Variants in ATF6 observed in about 807,000 individuals in gnomAD.
ATF6 encodes the protein cyclic AMP-dependent transcription factor ATF-6 alpha.
ATF6 carries 53 observed loss-of-function variants against 83.6 expected under a neutral mutation model. That is an observed-to-expected ratio of 0.63 (90% CI 0.51 to 0.80). ATF6 has a LOEUF of 0.80. ATF6 is among the 30% of genes least tolerant of loss of function. The probability of loss-of-function intolerance (pLI) is 0.00; values close to 1 mark genes in which losing one functional copy is unlikely to be tolerated. For synonymous variants in ATF6, 288 were observed against 285.8 expected, an observed-to-expected ratio of 1.01 and a Z score of -0.08; for missense variants, 744 against 797.9, an observed-to-expected ratio of 0.93 and a Z score of 0.81.
intron 15 of ATF6, among the ~76,000 whole-genome samples, chr1:161,953,130 G>C (rs1476883925): frequency 2.0e-5 from 3 of 152,104 alleles, no homozygotes; most frequent in Non-Finnish European, 4.4e-5. Flanking sequence ...TTATTCAGTA[G>C]CTTCGTTCCT....
intron 4 of ATF6, among the ~76,000 whole-genome samples, chr1:161,786,542 T>A (rs1684751805): frequency 6.6e-6 from 1 of 152,226 alleles, no homozygotes; most frequent in Non-Finnish European, 1.5e-5. Flanking sequence ...TGAGAGGTTA[T>A]AAAATAATTC....
chr1:161,772,110 A>G (rs1318452339), intron 1 of ATF6, among the ~76,000 whole-genome samples: 1 of 152,126 alleles, frequency 6.6e-6, no homozygotes, highest in Non-Finnish European at 1.5e-5. Context: ...AGATTTTGCC[A>G]TGTTTCCAGT....
intron 2 of ATF6, among the ~76,000 whole-genome samples, chr1:161,780,960 A>G (rs1684623909): frequency 6.6e-6 from 1 of 151,920 alleles, no homozygotes; most frequent in Non-Finnish European, 1.5e-5. Context: ...AAGCAATCCT[A>G]TTGTTGCTGT....
At position 161,863,103 on chromosome 1, in the gene ATF6, T is replaced by G. The variant is rs1686919291; in HGVS notation, c.1605-95T>G. On this transcript the variant is annotated intron_variant, in intron 13 of 15. Coordinates refer to ENST00000367942, the MANE Select transcript of ATF6 (RefSeq NM_007348.4). Reference sequence around the variant, plus strand: ...CAACTAATATTTTGGTTGAGAGAGATTCTTAGAATTCAGACATAGCCTTAG... The same window carrying G: ...CAACTAATATTTTGGTTGAGAGAGAGTCTTAGAATTCAGACATAGCCTTAG... The G allele has an allele frequency of 2.0e-5, 13 of 648,680 alleles. 1 individual carries two copies. In the South Asian group the frequency reaches 3.4e-4, roughly 17 times the overall value. 40.2% of individuals were successfully genotyped at this position (648,680 alleles called of 1,614,324 possible).
intron 4 of ATF6, among the ~76,000 whole-genome samples, chr1:161,785,492 T>C (rs1479917930): frequency 6.6e-6 from 1 of 152,214 alleles, no homozygotes; most frequent in Non-Finnish European, 1.5e-5. Flanking sequence ...TCAGAGTATA[T>C]AATTTTCCCA....
chr1:161,818,114 A>AG (rs1307140357), intron 7 of ATF6, among the ~76,000 whole-genome samples: 4 of 151,886 alleles, frequency 2.6e-5, no homozygotes, highest in African/African-American at 9.7e-5. Context: ...AAAAAAAAAA[A>AG]AAAGGAAATA....
At chr1:161,769,283 A>T (rs376253425) in intron 1 of ATF6, among the ~76,000 whole-genome samples, 2 of 152,232 alleles carry the variant, frequency 1.3e-5, no homozygotes. Context: ...AGATTTACAC[A>T]ATAATTGAGC....
intron 14 of ATF6, among the ~76,000 whole-genome samples, chr1:161,878,627 T>C (rs749185988): frequency 9.9e-5 from 15 of 151,462 alleles, no homozygotes; most frequent in African/African-American, 1.7e-4. Context: ...AGATTTTGAA[T>C]TGGAGAAGGA....
intron 9 of ATF6, among the ~76,000 whole-genome samples, chr1:161,844,846 T>C (rs1037081449): frequency 6.6e-6 from 1 of 152,216 alleles, no homozygotes; most frequent in Non-Finnish European, 1.5e-5. Context: ...TAAATACTCA[T>C]CAGGGTGACT....
intron 15 of ATF6, among the ~76,000 whole-genome samples, chr1:161,926,148 G>T (rs2341480): frequency 0.66 from 100,748 of 152,014 alleles, 34,734 homozygotes; most frequent in Non-Finnish European, 0.77. Context: ...AAAGATAGAT[G>T]AGAGGGGATT....
chr1:161,832,394 G>A (rs1444469319), intron 9 of ATF6, among the ~76,000 whole-genome samples: 1 of 152,168 alleles, frequency 6.6e-6, no homozygotes, highest in Non-Finnish European at 1.5e-5. Flanking sequence ...ACTGGGGAGT[G>A]CCAGACAGTG....
In ATF6 at chr1:161,782,011, T is replaced by C; in HGVS notation, c.247+12T>C. 1 of 1,550,682 alleles carries C rather than the reference T, an allele frequency of 6.4e-7. No homozygotes were observed. The highest frequency in any genetic ancestry group is 8.8e-7 in the Non-Finnish European group (1 of 1,137,418). ...CCAAATCTGTACAGGTAATTATGTGTTTCACTGGTAAAAGTTTTAAAAAGA... is the reference window on the plus strand; with the variant it reads ...CCAAATCTGTACAGGTAATTATGTGCTTCACTGGTAAAAGTTTTAAAAAGA... On this transcript the variant is annotated intron_variant, in intron 3 of 15. Transcript: ENST00000367942.
At chr1:161,772,699 G>A (rs1431729627) in intron 1 of ATF6, among the ~76,000 whole-genome samples, 1 of 150,222 alleles carries the variant, frequency 6.7e-6, no homozygotes, top group Non-Finnish European at 1.5e-5. Flanking sequence ...GTCAGTAAAT[G>A]AACATGTTGT....
chr1:161,851,671 T>A, intron 10 of ATF6, 51 bp from the exon 11 acceptor site: 1 of 1,307,972 alleles, frequency 7.6e-7, no homozygotes. Context: ...ATAGCAAACT[T>A]CTTAGGAATT....
chr1:161,915,210 T>A (rs1688072781), intron 15 of ATF6, among the ~76,000 whole-genome samples: 1 of 152,118 alleles, frequency 6.6e-6, no homozygotes, highest in Non-Finnish European at 1.5e-5. Context: ...CTGCCTTCCC[T>A]CTTGTTGCAC....
At chr1:161,831,137 T>C (rs1463981845) in intron 9 of ATF6, among the ~76,000 whole-genome samples, 2 of 152,142 alleles carry the variant, frequency 1.3e-5, no homozygotes, top group African/African-American at 2.4e-5. Flanking sequence ...GGGTGAAGGA[T>C]ATGAACAGAC....
intron 14 of ATF6, among the ~76,000 whole-genome samples, chr1:161,903,798 G>C (rs1687834730): frequency 6.6e-6 from 1 of 152,172 alleles, no homozygotes; most frequent in African/African-American, 2.4e-5. Context: ...AACCCAGGCA[G>C]TCTAGCTCCA....
In ATF6 at chr1:161,781,974, G is replaced by A. The variant is rs1005962230; in HGVS notation, c.222G>A (p.Trp74Ter). The A allele has an allele frequency of 6.2e-7, 1 of 1,610,106 alleles. No homozygotes were observed. Among genetic ancestry groups the A allele is most frequent in the African/African-American group, 1.3e-5 (1 of 74,816 alleles). The change falls in exon 3 of 16, where the codon TGG becomes TGA. Residue 74 changes from tryptophan to a stop codon, truncating the protein, a stop_gained. Transcript: ENST00000367942. LOFTEE classifies it high-confidence loss of function. ...TGATGCCTTGGGAGTCAGACATTTG[G>A]GACATCAACAACCAAATCTGTACAG... Reference protein sequence around the residue: ...LDLMPWESDIWDINNQICTVK... With the variant: ...LDLMPWESDI
intron 14 of ATF6, among the ~76,000 whole-genome samples, chr1:161,903,749 A>G (rs1220760453): frequency 2.0e-5 from 3 of 152,212 alleles, no homozygotes; most frequent in South Asian, 4.1e-4. Context: ...CTTGCTCTAT[A>G]TCCTACAGCT....
Sources: gnomAD v4.1 joint callset for allele counts (sites outside exome capture counted in the v4.1 genomes callset) on GRCh38, gnomAD v4.1.1 for gene constraint, MANE v1.5 for transcripts, NCBI Gene and HGNC (gene_info 2026-07-23, HGNC 2026-07-21) for gene names.